Variants in SLC8A1 observed in about 807,000 individuals in gnomAD.
The protein encoded by SLC8A1 is sodium/calcium exchanger 1.
In SLC8A1, 18 loss-of-function variants were observed where a neutral mutation model predicts 68.3. That is an observed-to-expected ratio of 0.26 (90% CI 0.18 to 0.39). The LOEUF (loss-of-function observed/expected upper bound fraction) is 0.39. SLC8A1 is among the 10% of genes least tolerant of loss of function. SLC8A1 has a pLI of 1.00. For synonymous variants in SLC8A1, 475 were observed against 415.5 expected, an observed-to-expected ratio of 1.14 and a Z score of -1.74; for missense variants, 985 against 1,156.7, an observed-to-expected ratio of 0.85 and a Z score of 2.15.
At chr2:40,170,286 A>G (rs751338911) in intron 4 of SLC8A1, 3 of 1,613,768 alleles carry the variant, frequency 1.9e-6, no homozygotes, top group Admixed American at 1.7e-5. Flanking sequence ...AGTACCTGCA[A>G]TGGTGATTAC....
At chr2:40,341,826 C>T (rs1419929181) in intron 2 of SLC8A1, among the ~76,000 whole-genome samples, 1 of 152,112 alleles carries the variant, frequency 6.6e-6, no homozygotes, top group Non-Finnish European at 1.5e-5. Context: ...GGTCAAATTC[C>T]ATTGCATGGA....
intron 2 of SLC8A1, among the ~76,000 whole-genome samples, chr2:40,283,703 G>T (rs78275595): frequency 6.6e-6 from 1 of 152,206 alleles, no homozygotes; most frequent in African/African-American, 2.4e-5. Flanking sequence ...GCTCACTGCA[G>T]CTGTCCTTTC....
intron 1 of SLC8A1, among the ~76,000 whole-genome samples, chr2:40,496,751 T>C (rs373700458): frequency 6.6e-6 from 1 of 151,972 alleles, no homozygotes; most frequent in Admixed American, 6.6e-5. Context: ...TCCTTCAAAA[T>C]GTGCATGAGT....
chr2:40,453,347 G>C (rs907043391), upstream of SLC8A1: 1 of 152,244 alleles, frequency 6.6e-6, no homozygotes, highest in African/African-American at 2.4e-5. Context: ...GAGAAGGAGG[G>C]ACCTGCAGAG....
In SLC8A1 at chr2:40,462,001, C is replaced by CTTTTTTTTTTTTTTTTTTTTTTTT. The variant is rs370223854; in HGVS notation, c.-24-31698_-24-31697insAAAAAAAAAAAAAAAAAAAAAAAA. On this transcript the variant is annotated intron_variant, in intron 1 of 7. Coordinates refer to the SLC8A1 transcript ENST00000402441. ...CCTCTCATTTTAAAGTAAAATCCTC[C>CTTTTTTTTTTTTTTTTTTTTTTTT]TTTTTTTTTTTTTTTTTTTTTTTGA... 1.5e-3 allele frequency among the ~76,000 whole-genome samples: 97 copies of CTTTTTTTTTTTTTTTTTTTTTTTT among 66,160 alleles called. 17 individuals carry two copies. Among genetic ancestry groups the CTTTTTTTTTTTTTTTTTTTTTTTT allele is most frequent in the African/African-American group, 3.8e-3 (62 of 16,482 alleles). The allele number at this position is 66,160 out of a possible 152,430, so 43.4% of individuals were successfully genotyped here.
chr2:40,348,191 A>C (rs1202261851), intron 2 of SLC8A1, among the ~76,000 whole-genome samples: 2 of 152,170 alleles, frequency 1.3e-5, no homozygotes, highest in Non-Finnish European at 2.9e-5. Context: ...CTGTACATGA[A>C]GAAATCTGAG....
chr2:40,322,575 C>T (rs1406778484), intron 2 of SLC8A1, among the ~76,000 whole-genome samples: 1 of 151,440 alleles, frequency 6.6e-6, no homozygotes, highest in Non-Finnish European at 1.5e-5. Flanking sequence ...AGTCAGGAGT[C>T]CGAGGCAGGA....
chr2:40,498,379 C>T (rs577856185), intron 1 of SLC8A1, among the ~76,000 whole-genome samples: 3 of 152,140 alleles, frequency 2.0e-5, no homozygotes, highest in South Asian at 2.1e-4. Context: ...TAAAAGAGAA[C>T]ATTGAACCAA....
chr2:40,374,111 G>A (rs1012757043), intron 2 of SLC8A1, among the ~76,000 whole-genome samples: 13 of 152,038 alleles, frequency 8.6e-5, no homozygotes, highest in Non-Finnish European at 4.4e-5. Flanking sequence ...ACACAACCAG[G>A]AAAAAATGTT....
chr2:40,504,826 T>C (rs1326078289), intron 1 of SLC8A1, among the ~76,000 whole-genome samples: 1 of 151,882 alleles, frequency 6.6e-6, no homozygotes, highest in Non-Finnish European at 1.5e-5. Context: ...GGTGAGGATG[T>C]GGTGTAAAGG....
At chr2:40,113,123 A>G (rs2034774053) in exon 8 of SLC8A1, 1 of 152,280 alleles carries the variant, frequency 6.6e-6, no homozygotes, top group African/African-American at 2.4e-5. Flanking sequence ...CCCAGAAAGT[A>G]TCATACTACC....
chr2:40,412,567 G>C (rs573713399), intron 2 of SLC8A1, among the ~76,000 whole-genome samples: 33 of 152,234 alleles, frequency 2.2e-4, no homozygotes, highest in African/African-American at 7.0e-4. Flanking sequence ...AGAGCAAAGA[G>C]ATTCAGATTG....
exon 2 of SLC8A1, chr2:40,429,636 G>A (rs1182717585): frequency 9.9e-6 from 16 of 1,613,724 alleles, no homozygotes; most frequent in Non-Finnish European, 1.4e-5. Context: ...AAAGCCAGGT[G>A]TAGGCAAAGA....
intron 2 of SLC8A1, among the ~76,000 whole-genome samples, chr2:40,427,715 T>G (rs1697251142): frequency 6.6e-6 from 1 of 152,162 alleles, no homozygotes; most frequent in Non-Finnish European, 1.5e-5. Context: ...GAATAAATTT[T>G]TCCTTCTTTT....
chr2:40,205,294 T>C (rs1425935181), intron 2 of SLC8A1, among the ~76,000 whole-genome samples: 1 of 151,878 alleles, frequency 6.6e-6, no homozygotes, highest in Non-Finnish European at 1.5e-5. Flanking sequence ...TAAAAAGTGC[T>C]AGGGGCAAAA....
intron 6 of SLC8A1, among the ~76,000 whole-genome samples, chr2:40,150,682 C>T (rs554782469): frequency 5.9e-5 from 9 of 152,296 alleles, no homozygotes; most frequent in East Asian, 1.9e-4. Flanking sequence ...CCCTTCAATA[C>T]GGTGTTTTCC....
At position 40,410,080 on chromosome 2, in the gene SLC8A1, T is replaced by C. The variant is rs182796065; in HGVS notation, c.1808+18393A>G. 3.3e-5 allele frequency among the ~76,000 whole-genome samples: 5 copies of C among 152,146 alleles called. No homozygotes were observed. The East Asian group carries it at 9.6e-4, about 29-fold the overall frequency. On this transcript the variant is annotated intron_variant, in intron 2 of 7. Coordinates refer to ENST00000406785, the Ensembl canonical transcript of SLC8A1. The stretch of plus-strand genomic sequence containing the variant: ...CTGGAAGCAAATACTAAAGAAAACA[T>C]GAAATAAAAACTTTATGTTTTAACT...
In SLC8A1 at chr2:40,212,725, C is replaced by G. The variant is rs2056829612; in HGVS notation, c.1809-34870G>C. Among the ~76,000 whole-genome samples, 2 of 152,332 alleles carry G rather than the reference C, an allele frequency of 1.3e-5. 1 individual carries two copies. Among genetic ancestry groups the G allele is most frequent in the South Asian group, 4.1e-4 (2 of 4,832 alleles). On this transcript the variant is annotated intron_variant, in intron 2 of 7. Coordinates refer to ENST00000406785, the Ensembl canonical transcript of SLC8A1. ...GTGAAGACTCTTCTTCTTTTCTTTT[C>G]TTTCTTCTTGCTTGCTCTTTTCTCT...
intron 2 of SLC8A1, among the ~76,000 whole-genome samples, chr2:40,202,130 C>T (rs188663820): frequency 5.9e-5 from 9 of 151,932 alleles, no homozygotes; most frequent in African/African-American, 2.2e-4. Context: ...GAGCAAAGTG[C>T]AAGGAATGAA....
Sources: allele counts gnomAD v4.1 joint callset (sites outside exome capture counted in the v4.1 genomes callset), GRCh38; gene constraint gnomAD v4.1.1; transcripts MANE v1.5; gene names NCBI Gene and HGNC (gene_info 2026-07-23, HGNC 2026-07-21).